ZFAND3: variants seen among roughly 807,000 people sequenced by gnomAD.
ZFAND3 encodes the protein AN1-type zinc finger protein 3.
Under a neutral mutation model 29.6 loss-of-function variants are expected in ZFAND3, and 10 were observed. The observed-to-expected ratio is 0.34, with a 90% CI of 0.21 to 0.57. The LOEUF (loss-of-function observed/expected upper bound fraction) is 0.57. ZFAND3 is among the 20% of genes least tolerant of loss of function. The pLI is 0.86. For missense variants in ZFAND3, 230 were observed against 304.5 expected (o/e 0.76, Z 1.82); for synonymous variants, 128 against 112.6 (o/e 1.14, Z -0.87).
chr6:37,976,691 C>G (rs1762484666), intron 2 of ZFAND3, among the ~76,000 whole-genome samples: 1 of 150,670 alleles, frequency 6.6e-6, no homozygotes. Context: ...CCTCAGGAAA[C>G]TTACAATAAT....
chr6:38,111,360 A>AT (rs1562003473), intron 4 of ZFAND3, among the ~76,000 whole-genome samples: 1 of 152,264 alleles, frequency 6.6e-6, no homozygotes, highest in Non-Finnish European at 1.5e-5. Flanking sequence ...ATAATACAGT[A>AT]TAACAACTAT....
chr6:38,030,419 CAT>C (rs1763537003), intron 2 of ZFAND3, among the ~76,000 whole-genome samples: 1 of 151,986 alleles, frequency 6.6e-6, no homozygotes, highest in Non-Finnish European at 1.5e-5. Flanking sequence ...ATCATCAAAA[CAT>C]ACAAAATATA....
chr6:37,846,711 T>G (rs966412889), intron 1 of ZFAND3, among the ~76,000 whole-genome samples: 5 of 151,780 alleles, frequency 3.3e-5, no homozygotes, highest in African/African-American at 9.7e-5. Flanking sequence ...GTGATTTTTT[T>G]TTTTTTGTTT....
At chr6:38,010,220 G>T (rs193167203) in intron 2 of ZFAND3, among the ~76,000 whole-genome samples, 1 of 152,168 alleles carries the variant, frequency 6.6e-6, no homozygotes, top group Non-Finnish European at 1.5e-5. Context: ...TTCTGGAACC[G>T]TTTAGACTCA....
intron 5 of ZFAND3, among the ~76,000 whole-genome samples, chr6:38,124,609 C>T (rs115300206): frequency 0.027 from 4,048 of 152,284 alleles, 195 homozygotes; most frequent in African/African-American, 0.091. Context: ...CGGGCCGCTC[C>T]GAGTGTGGGG....
chr6:38,114,703 TCA>T (rs757315980), intron 4 of ZFAND3, among the ~76,000 whole-genome samples: 1 of 152,036 alleles, frequency 6.6e-6, no homozygotes, highest in Non-Finnish European at 1.5e-5. Flanking sequence ...AGCATCTTCC[TCA>T]CACACAGGGA....
chr6:37,922,916 C>G (rs560712929), intron 1 of ZFAND3, among the ~76,000 whole-genome samples: 6 of 152,180 alleles, frequency 3.9e-5, no homozygotes, highest in African/African-American at 1.2e-4. Flanking sequence ...ATGTTATAAG[C>G]ACTGTACACT....
chr6:38,058,334 CAAT>C (rs1462220787), intron 2 of ZFAND3, among the ~76,000 whole-genome samples: 3 of 152,026 alleles, frequency 2.0e-5, no homozygotes, highest in Admixed American at 6.5e-5. Flanking sequence ...GGGAGGGACA[CAAT>C]GATTATTGAC....
intron 1 of ZFAND3, 75 bp downstream of exon 1, chr6:37,820,091 G>C: frequency 8.6e-7 from 1 of 1,156,150 alleles, no homozygotes; most frequent in African/African-American, 1.6e-5. Flanking sequence ...GGCAGGCCTC[G>C]GGGCCCGGGA....
intron 2 of ZFAND3, among the ~76,000 whole-genome samples, chr6:38,042,908 G>A (rs539099487): frequency 6.4e-4 from 98 of 152,218 alleles, no homozygotes; most frequent in African/African-American, 2.2e-3. Flanking sequence ...ATTTCTGTAT[G>A]TTTCTCACTT....
At chr6:37,977,132 A>T in intron 2 of ZFAND3, among the ~76,000 whole-genome samples, 1 of 152,206 alleles carries the variant, frequency 6.6e-6, no homozygotes, top group Non-Finnish European at 1.5e-5. Context: ...CACAATGGTA[A>T]ATATTTTAGT....
At chr6:38,041,687 C>CTT (rs1561976808) in intron 2 of ZFAND3, among the ~76,000 whole-genome samples, 23 of 17,230 alleles carry the variant, frequency 1.3e-3, no homozygotes, top group Middle Eastern at 0.022. Context: ...TTCTTCTTCT[C>CTT]CTTCTCCTTC....
intron 1 of ZFAND3, among the ~76,000 whole-genome samples, chr6:37,879,254 T>A (rs1231136690): frequency 6.6e-6 from 1 of 152,206 alleles, no homozygotes; most frequent in Non-Finnish European, 1.5e-5. Flanking sequence ...ATGGGATGCT[T>A]AATATCACTT....
intron 1 of ZFAND3, chr6:37,832,926 G>A (rs1277000647): frequency 6.6e-6 from 1 of 152,052 alleles, no homozygotes; most frequent in African/African-American, 2.4e-5. Flanking sequence ...GGCCTCAAGT[G>A]ATCCTCCCGT....
At chr6:37,902,166 T>A (rs1194046813) in intron 1 of ZFAND3, among the ~76,000 whole-genome samples, 1 of 152,130 alleles carries the variant, frequency 6.6e-6, no homozygotes, top group Non-Finnish European at 1.5e-5. Context: ...AATAGCATTA[T>A]GGCCAGGTAC....
intron 2 of ZFAND3, among the ~76,000 whole-genome samples, chr6:37,954,155 T>C (rs1762046416): frequency 6.6e-6 from 1 of 152,176 alleles, no homozygotes; most frequent in African/African-American, 2.4e-5. Context: ...AAATTTTCTC[T>C]TTATGGCTGG....
chr6:38,046,247 A>C (rs1763902344), intron 2 of ZFAND3, among the ~76,000 whole-genome samples: 1 of 152,252 alleles, frequency 6.6e-6, no homozygotes, highest in Non-Finnish European at 1.5e-5. Flanking sequence ...GCATGGAATA[A>C]GAGTAAGAGA....
At chr6:37,990,023 C>T (rs914123817) in intron 2 of ZFAND3, among the ~76,000 whole-genome samples, 2 of 152,098 alleles carry the variant, frequency 1.3e-5, no homozygotes, top group Non-Finnish European at 2.9e-5. Context: ...GGGAGGATTT[C>T]GTTGGCTGTT....
chr6:37,959,426 A>G (rs1762156529), intron 2 of ZFAND3, among the ~76,000 whole-genome samples: 1 of 152,258 alleles, frequency 6.6e-6, no homozygotes, highest in South Asian at 2.1e-4. Context: ...GTAAATGAAC[A>G]GTGTCAAGAA....
Sources: gnomAD v4.1 joint callset for allele counts (sites outside exome capture counted in the v4.1 genomes callset) on GRCh38, gnomAD v4.1.1 for gene constraint, MANE v1.5 for transcripts, NCBI Gene and HGNC (gene_info 2026-07-23, HGNC 2026-07-21) for gene names.